The following PTPRA variants were observed in gnomAD, a reference collection of about 807,000 sequenced individuals.
The protein encoded by PTPRA is protein tyrosine phosphatase receptor type A.
In PTPRA, 25 loss-of-function variants were observed where a neutral mutation model predicts 104.8. The observed-to-expected ratio is 0.24, with a 90% CI of 0.17 to 0.33. The LOEUF is 0.33. PTPRA is among the 10% of genes least tolerant of loss of function. The pLI is 1.00. For synonymous variants in PTPRA, 323 were observed against 368.9 expected (o/e 0.88, Z 1.43); for missense variants, 765 against 1,015.3 (o/e 0.75, Z 3.35).
intron 1 of PTPRA, among the ~76,000 whole-genome samples, chr20:2,880,443 A>G (rs761161833): frequency 1.3e-4 from 20 of 152,198 alleles, no homozygotes; most frequent in Non-Finnish European, 2.9e-5. Context: ...TTCTCCATGT[A>G]TTGCAACATG....
At chr20:2,946,884 A>T (rs2061156155) in intron 2 of PTPRA, among the ~76,000 whole-genome samples, 1 of 141,540 alleles carries the variant, frequency 7.1e-6, no homozygotes, top group Non-Finnish European at 1.5e-5. Context: ...AATAAATAAA[A>T]GAAAGAGTAA....
intron 13 of PTPRA, among the ~76,000 whole-genome samples, chr20:3,018,660 A>G (rs1329227229): frequency 4.0e-5 from 6 of 151,422 alleles, no homozygotes; most frequent in Admixed American, 2.0e-4. Flanking sequence ...CGATTTCTCA[A>G]TCTTTTCCCC....
chr20:3,006,095 A>G (rs1477360745), intron 10 of PTPRA, among the ~76,000 whole-genome samples: 1 of 151,852 alleles, frequency 6.6e-6, no homozygotes, highest in Non-Finnish European at 1.5e-5. Flanking sequence ...CTGGCCTCAA[A>G]CAGTCCTCCT....
At chr20:3,018,680 C>G (rs1041690374) in intron 13 of PTPRA, among the ~76,000 whole-genome samples, 1 of 151,588 alleles carries the variant, frequency 6.6e-6, no homozygotes, top group Non-Finnish European at 1.5e-5. Context: ...CACCTTTCCC[C>G]CCTTTCTATT....
At chr20:2,988,277 C>A in intron 8 of PTPRA, 61 bp from the exon 9 acceptor site, 1 of 1,562,424 alleles carries the variant, frequency 6.4e-7, no homozygotes, top group South Asian at 1.2e-5. Flanking sequence ...CCCGTTTAGC[C>A]TCCAGAAGAG....
At chr20:2,989,398 A>G (rs1204227248) in intron 9 of PTPRA, among the ~76,000 whole-genome samples, 1 of 152,166 alleles carries the variant, frequency 6.6e-6, no homozygotes, top group Non-Finnish European at 1.5e-5. Flanking sequence ...ACGCCACTGC[A>G]CTCTGACCTG....
At chr20:2,904,908 A>G (rs1428764152) in intron 1 of PTPRA, among the ~76,000 whole-genome samples, 1 of 152,184 alleles carries the variant, frequency 6.6e-6, no homozygotes, top group Non-Finnish European at 1.5e-5. Flanking sequence ...AAAGATTTCT[A>G]ATTTAGACTA....
Position 3,031,773 on chromosome 20 carries a change from C to T in PTPRA, c.1921-3812C>T, listed in dbSNP as rs1456482122. Among the ~76,000 whole-genome samples, 7 of 151,548 alleles carry T rather than the reference C, an allele frequency of 4.6e-5. No individual in the cohort carries two copies. In the East Asian group the frequency reaches 7.8e-4, roughly 17 times the overall value. Reference sequence around the variant, plus strand: ...ACATGTCCTCACCTTCCTCCTTACTCTGTGTGTTTTTGAGTTCTGTTTTTG... The same window carrying T: ...ACATGTCCTCACCTTCCTCCTTACTTTGTGTGTTTTTGAGTTCTGTTTTTG... On this transcript the variant is annotated intron_variant, in intron 20 of 23. Coordinates refer to ENST00000399903, the MANE Select transcript of PTPRA (RefSeq NM_001385305.1).
chr20:2,884,520 T>C (rs1415852161), intron 1 of PTPRA, among the ~76,000 whole-genome samples: 1 of 152,232 alleles, frequency 6.6e-6, no homozygotes, highest in Non-Finnish European at 1.5e-5. Context: ...ATTTCCATGA[T>C]GATTTATGAT....
Position 3,021,505 on chromosome 20 carries a change from C to T in PTPRA, c.1161+77C>T, listed in dbSNP as rs867638358. On this transcript the variant is annotated intron_variant, in intron 14 of 23. Transcript: ENST00000399903. ...TAAGAGGGAACAGGCTGGATCATCC[C>T]GCTGTGGTCAGGAGTTGCTGAGTAT... The T allele has an allele frequency of 1.3e-4, 210 of 1,576,116 alleles. No individual in the cohort carries two copies. The Middle Eastern group carries it at 3.6e-3, about 27-fold the overall frequency.
chr20:2,970,810 G>A (rs1299536158), intron 5 of PTPRA, among the ~76,000 whole-genome samples: 1 of 151,772 alleles, frequency 6.6e-6, no homozygotes, highest in East Asian at 1.9e-4. Context: ...GGTTTCGTGT[G>A]TGTGTGTGTG....
At chr20:2,897,384 C>CTTTTTTTTTTTT (rs60627339) in intron 1 of PTPRA, among the ~76,000 whole-genome samples, 1 of 108,932 alleles carries the variant, frequency 9.2e-6, no homozygotes, top group African/African-American at 3.8e-5. Flanking sequence ...CTTGGCATTT[C>CTTTTTTTTTTTT]TTTTTTTTTT....
chr20:2,941,885 AG>A (rs1384506602), intron 2 of PTPRA, among the ~76,000 whole-genome samples: 2 of 152,130 alleles, frequency 1.3e-5, no homozygotes, highest in Admixed American at 6.5e-5. Context: ...CTCCCTGACT[AG>A]GTCAAATTTT....
intron 3 of PTPRA, 105 bp from the exon 4 acceptor site, chr20:2,964,167 C>A: frequency 1.1e-6 from 1 of 907,458 alleles, no homozygotes; most frequent in Non-Finnish European, 1.7e-6. Context: ...TTGGTTTAGG[C>A]ACACATTTTA....
At chr20:2,904,666 CAAAAAAA>C (rs397865578) in intron 1 of PTPRA, among the ~76,000 whole-genome samples, 7 of 66,134 alleles carry the variant, frequency 1.1e-4, no homozygotes, top group Non-Finnish European at 3.0e-5. Flanking sequence ...GACTCCGTCT[CAAAAAAA>C]AAAAAAAAAA....
Position 3,038,082 on chromosome 20 carries a change from G to T in PTPRA, c.2358G>T (p.Lys786Asn). The T allele has an allele frequency of 1.9e-6, 3 of 1,613,422 alleles. No individual in the cohort carries two copies. The South Asian group carries it at 3.3e-5, about 18-fold the overall frequency. ...QTLEQYEFCYKVVQEYIDAFS... is the reference protein window; with the variant it reads ...QTLEQYEFCYNVVQEYIDAFS... Reference sequence around the variant, plus strand: ...AGGAACAGTATGAGTTCTGCTACAAGGTGGTGCAGGAGTATATTGATGCAT... The same window carrying T: ...AGGAACAGTATGAGTTCTGCTACAATGTGGTGCAGGAGTATATTGATGCAT... Residue 786 changes from lysine (K) to asparagine (N), a missense_variant, in exon 24 of 24, where the codon AAG (lysine) becomes AAT (asparagine). Lys to Asn is a moderately conservative substitution (Grantham distance 94, BLOSUM62 0). This residue lies in a region of PTPRA where 72 missense variants were observed against 140.7 expected (regional missense o/e 0.51). Transcript: ENST00000399903.
Position 3,035,446 on chromosome 20 carries a change from C to T in PTPRA, c.1921-139C>T. 1.0e-6 allele frequency: 1 copy of T among 982,092 alleles called. No homozygotes were observed. The highest frequency in any genetic ancestry group is 1.5e-6 in the Non-Finnish European group (1 of 672,614). The allele number at this position is 982,092 out of a possible 1,614,324, so 60.8% of individuals were successfully genotyped here. On this transcript the variant is annotated intron_variant, in intron 20 of 23. Transcript: ENST00000399903. The surrounding 1 kb of genome is among the most constrained non-coding windows in gnomAD (Gnocchi z 5.8). ...GGAATGATGTGATATAATGATCCTG[C>T]AAGTTTTCAATACCTTGGGGACGAA... is the stretch of plus-strand genomic sequence containing the variant.
At chr20:2,896,751 C>A (rs932743572) in intron 1 of PTPRA, among the ~76,000 whole-genome samples, 7 of 152,118 alleles carry the variant, frequency 4.6e-5, no homozygotes, top group African/African-American at 1.7e-4. Context: ...ATAGCAAAAA[C>A]AAAACAACAG....
chr20:3,033,738 C>T (rs2065646388), intron 20 of PTPRA, among the ~76,000 whole-genome samples: 1 of 151,660 alleles, frequency 6.6e-6, no homozygotes, highest in Admixed American at 6.6e-5. Context: ...CCCGTCTCTA[C>T]TAAAAATACA....
Sources: allele counts gnomAD v4.1 joint callset (sites outside exome capture counted in the v4.1 genomes callset), GRCh38; gene constraint gnomAD v4.1.1; regional missense constraint gnomAD v4.1.1; non-coding constraint Gnocchi (gnomAD v3.1); transcripts MANE v1.5; gene names NCBI Gene and HGNC (gene_info 2026-07-23, HGNC 2026-07-21).